Variants in ZNF560 observed in about 807,000 individuals in gnomAD.
ZNF560 encodes the protein zinc finger protein 560.
In ZNF560, 54 loss-of-function variants were observed where a neutral mutation model predicts 81.8. The ratio of observed to expected loss-of-function variants is 0.66; its 90% CI spans 0.53 to 0.83. ZNF560 has a LOEUF of 0.83. Ranked by LOEUF, ZNF560 falls within the 40% of genes least tolerant of loss-of-function variation. ZNF560 has a pLI of 0.00. For missense variants in ZNF560, 940 were observed against 932.4 expected (o/e 1.01, Z -0.11); for synonymous variants, 321 against 317.9 (o/e 1.01, Z -0.10).
rs749947370 is a variant in ZNF560 at position 9,471,300 on chromosome 19, T to C, written c.317A>G (p.Gln106Arg). ...FWKIQTSNGI[Q>R]MDLVTFDSVA... ...AATACCCTTTCTTAACATTACCATT[T>C]GTATCCCATTAGAAGTTTGTATTTT... The change falls in exon 6 of 10, where the codon CAA becomes CGA. Residue 106 changes from glutamine (Q) to arginine (R), a missense_variant. Coordinates refer to ENST00000301480, the MANE Select transcript of ZNF560 (RefSeq NM_152476.3). 4 of 1,587,696 alleles carry C rather than the reference T, an allele frequency of 2.5e-6. No individual in the cohort carries two copies. The highest frequency in any genetic ancestry group is 3.4e-6 in the Non-Finnish European group (4 of 1,169,918).
chr19:9,493,101 A>G (rs1285920456), intron 2 of ZNF560, among the ~76,000 whole-genome samples: 1 of 152,204 alleles, frequency 6.6e-6, no homozygotes, highest in Non-Finnish European at 1.5e-5. Context: ...AAAAAGAATG[A>G]TGTCTAGAAC....
chr19:9,496,857 A>G (rs987515674), intron 2 of ZNF560, among the ~76,000 whole-genome samples: 1 of 151,804 alleles, frequency 6.6e-6, no homozygotes, highest in African/African-American at 2.4e-5. Flanking sequence ...AATCGCTTGA[A>G]CCAGGGAGGC....
At chr19:9,460,047 A>T in the ZNF560 span, among the ~76,000 whole-genome samples, 26 of 152,296 alleles carry the variant, frequency 1.7e-4, no homozygotes, top group East Asian at 4.4e-3. Flanking sequence ...TGAAACAGGT[A>T]AAATAATAAC....
At chr19:9,500,772 T>C (rs1437449597), upstream of ZNF560, among the ~76,000 whole-genome samples, 1 of 152,080 alleles carries the variant, frequency 6.6e-6, no homozygotes, top group Non-Finnish European at 1.5e-5. Flanking sequence ...AGACGGGGTT[T>C]CACCAGCTTG....
chr19:9,447,200 A>G, the ZNF560 span, among the ~76,000 whole-genome samples: 1 of 152,058 alleles, frequency 6.6e-6, no homozygotes, highest in African/African-American at 2.4e-5. Context: ...GCTGTAAGGA[A>G]TTCTACAGCC....
At chr19:9,484,834 T>G (rs527604342) in intron 2 of ZNF560, among the ~76,000 whole-genome samples, 242 of 124,514 alleles carry the variant, frequency 1.9e-3, no homozygotes, top group African/African-American at 6.4e-3. Context: ...CTTTAAAAAA[T>G]AAAAAAAAGA....
intron 5 of ZNF560, among the ~76,000 whole-genome samples, chr19:9,472,266 A>C (rs973446795): frequency 1.3e-5 from 2 of 152,144 alleles, no homozygotes; most frequent in African/African-American, 4.8e-5. Context: ...TGGCTTAGTG[A>C]CATACTCGGA....
intron 3 of ZNF560, among the ~76,000 whole-genome samples, chr19:9,474,821 G>A (rs2073174869): frequency 7.5e-6 from 1 of 133,716 alleles, no homozygotes; most frequent in Non-Finnish European, 1.6e-5. Flanking sequence ...ACCATGCCTG[G>A]CATTTTTTTT....
Position 9,474,505 on chromosome 19 carries a change from A to G in ZNF560, c.31-180T>C, listed in dbSNP as rs548773419. Among the ~76,000 whole-genome samples, 4 of 152,216 alleles carry G rather than the reference A, an allele frequency of 2.6e-5. No homozygotes were observed. The East Asian group carries it at 5.8e-4, about 22-fold the overall frequency. ...CTCTCTCTATCCTTGCTCTTTCACT[A>G]CTTAACAATTCCAGTTGTATGGCTT... On this transcript the variant is annotated intron_variant, in intron 3 of 9. Transcript: ENST00000301480.
At chr19:9,505,767 G>A in the ZNF560 span, among the ~76,000 whole-genome samples, 1 of 152,098 alleles carries the variant, frequency 6.6e-6, no homozygotes, top group African/African-American at 2.4e-5. Flanking sequence ...AGGTTCAAGT[G>A]ATTCTCATGT....
At chr19:9,498,754 T>C (rs1407648107), upstream of ZNF560, 3 of 152,356 alleles carry the variant, frequency 2.0e-5, no homozygotes, top group African/African-American at 7.2e-5. Flanking sequence ...GTCGGCTCAG[T>C]GCCTGGGTGG....
At chr19:9,494,538 C>G (rs753335856) in intron 2 of ZNF560, among the ~76,000 whole-genome samples, 1 of 152,124 alleles carries the variant, frequency 6.6e-6, no homozygotes, top group Non-Finnish European at 1.5e-5. Context: ...AGTTCGAGAC[C>G]AGCCTACCCA....
chr19:9,458,602 T>C, the ZNF560 span, among the ~76,000 whole-genome samples: 1 of 152,248 alleles, frequency 6.6e-6, no homozygotes, highest in Non-Finnish European at 1.5e-5. Context: ...CAAACAGCAG[T>C]TAGGAGTAGA....
At chr19:9,466,007 C>A (rs568138505), downstream of ZNF560, among the ~76,000 whole-genome samples, 5 of 150,896 alleles carry the variant, frequency 3.3e-5, no homozygotes, top group East Asian at 9.9e-4. Flanking sequence ...AACAAACAAA[C>A]AAAAAAACAT....
downstream of ZNF560, among the ~76,000 whole-genome samples, chr19:9,462,373 G>A (rs916164926): frequency 1.1e-4 from 17 of 152,200 alleles, no homozygotes; most frequent in African/African-American, 4.1e-4. Context: ...ACAAGCCAGA[G>A]CCTGTCCCTT....
intron 4 of ZNF560, 28 bp downstream of exon 4, chr19:9,474,171 A>AG: frequency 6.2e-7 from 1 of 1,613,656 alleles, no homozygotes; most frequent in Non-Finnish European, 8.5e-7. Flanking sequence ...CTTCCCTAAG[A>AG]GGCTGCATAA....
intron 2 of ZNF560, among the ~76,000 whole-genome samples, chr19:9,489,496 A>G (rs1211526813): frequency 6.6e-6 from 1 of 152,134 alleles, no homozygotes; most frequent in Non-Finnish European, 1.5e-5. Flanking sequence ...GCTGCCGGGC[A>G]GAGGTGCTCA....
upstream of ZNF560, among the ~76,000 whole-genome samples, chr19:9,502,707 G>T (rs1263105262): frequency 6.6e-6 from 1 of 152,144 alleles, no homozygotes; most frequent in Non-Finnish European, 1.5e-5. Context: ...TTCTAGAAAT[G>T]TGTCCACTTC....
intron 5 of ZNF560, among the ~76,000 whole-genome samples, chr19:9,471,619 G>C (rs1315267525): frequency 6.6e-6 from 1 of 152,050 alleles, no homozygotes; most frequent in Non-Finnish European, 1.5e-5. Flanking sequence ...TAAACAGAAA[G>C]AATGTTATCA....
Sources: allele counts gnomAD v4.1 joint callset (sites outside exome capture counted in the v4.1 genomes callset), GRCh38; gene constraint gnomAD v4.1.1; transcripts MANE v1.5; gene names NCBI Gene and HGNC (gene_info 2026-07-23, HGNC 2026-07-21).